KIFC3: variants seen among roughly 807,000 people sequenced by gnomAD.
The protein encoded by KIFC3 is kinesin family member C3, also known as kinesin-like protein KIFC3.
In KIFC3, 60 loss-of-function variants were observed where a neutral mutation model predicts 101.8. That is an observed-to-expected ratio of 0.59 (90% CI 0.48 to 0.73). KIFC3 has a LOEUF of 0.73. Ranked by LOEUF, KIFC3 falls within the 30% of genes least tolerant of loss-of-function variation. The pLI is 0.00. For synonymous variants in KIFC3, 476 were observed against 482.7 expected (o/e 0.99, Z 0.18); for missense variants, 966 against 1,137.1 (o/e 0.85, Z 2.16).
chr16:57,761,252 AGTGGCACCACCCT>A lies in KIFC3; in HGVS notation c.1873-94_1873-82del, dbSNP rs1274544137. On this transcript the variant is annotated intron_variant, in intron 14 of 19. Transcript: ENST00000445690. ...CACCTGGCCCCAAGCACCCATGAGG[AGTGGCACCACCCT>A]CCGCAGTTTAGATGAGGAAACTGAG... 1.1e-5 allele frequency: 18 copies of A among 1,589,690 alleles called. No homozygotes were observed. The African/African-American group carries it at 2.0e-4, about 18-fold the overall frequency.
chr16:57,829,555 A>C (rs2055531602), intron 1 of KIFC3, among the ~76,000 whole-genome samples: 1 of 152,174 alleles, frequency 6.6e-6, no homozygotes, highest in Non-Finnish European at 1.5e-5. Context: ...ATGCCTGGCC[A>C]AAAATCTATT....
chr16:57,797,185 C>T (rs2054396858), intron 2 of KIFC3, among the ~76,000 whole-genome samples: 1 of 152,252 alleles, frequency 6.6e-6, no homozygotes. Context: ...GTTTCCCCTT[C>T]TGTGCACCAA....
Position 57,761,103 on chromosome 16 carries a change from C to T in KIFC3, c.1941G>A (p.Ser647=), listed in dbSNP as rs1555596712. 1.2e-5 allele frequency: 19 copies of T among 1,613,764 alleles called. No individual in the cohort carries two copies. The highest frequency in any genetic ancestry group is 5.5e-5 in the South Asian group (5 of 91,094). The change falls in exon 15 of 20, where the codon TCG becomes TCA. Residue 647 remains serine, a synonymous_variant. Transcript: ENST00000445690. ...FTNLNEHSSR[S]HALLIVTVRG... ...GCACCGTCACGATGAGCAGCGCGTG[C>T]GAGCGGGAGCTGTGCTCGTTCAGGT... is the stretch of plus-strand genomic sequence containing the variant.
intron 3 of KIFC3, chr16:57,776,943 G>C (rs1279140926): frequency 1.3e-5 from 2 of 152,192 alleles, no homozygotes; most frequent in African/African-American, 4.8e-5. Flanking sequence ...ATTAAGATTT[G>C]AATGTTGGAA....
In KIFC3 at chr16:57,760,280, A is replaced by G. The variant is rs1555594809; in HGVS notation, c.2367+2T>C. 6.2e-7 allele frequency: 1 copy of G among 1,610,288 alleles called. No individual in the cohort carries two copies. The highest frequency in any genetic ancestry group is 1.1e-5 in the South Asian group (1 of 91,004). ...GAGCCAGGCCTGTGACAGTCCCCGT[A>G]CCTCTAGATGCTCCTGGCTTGACCA... On this transcript the variant is annotated splice_donor_variant, in intron 17 of 19. Transcript: ENST00000445690. LOFTEE classifies it high-confidence loss of function.
chr16:57,770,653 G>T lies in KIFC3; in HGVS notation c.813C>A (p.Ala271=), dbSNP rs1555607288. ...GGTTCCGGGCCTGGGACTCGCTGAG[G>T]GCCTGCTTGGTCTTGGACGACTCCA... is the stretch of plus-strand genomic sequence containing the variant. ...VEVESSKTKQ[A]LSESQARNQH... is the part of the protein sequence containing the mutation. The change falls in exon 7 of 20, where the codon GCC becomes GCA. Residue 271 remains alanine, a synonymous_variant. Transcript: ENST00000445690. 6.4e-7 allele frequency: 1 copy of T among 1,559,258 alleles called. No individual in the cohort carries two copies.
chr16:57,857,979 G>A (rs574826157), intron 1 of KIFC3, among the ~76,000 whole-genome samples: 2 of 151,474 alleles, frequency 1.3e-5, no homozygotes, highest in East Asian at 2.0e-4. Context: ...CACCCCACCC[G>A]ACTAATTTTT....
At chr16:57,858,134 G>A (rs1012368154) in intron 1 of KIFC3, among the ~76,000 whole-genome samples, 13 of 151,978 alleles carry the variant, frequency 8.6e-5, no homozygotes, top group Non-Finnish European at 1.3e-4. Context: ...TCTTTATCCA[G>A]TCTATCATTG....
At chr16:57,850,796 T>A (rs1312460406) in intron 1 of KIFC3, among the ~76,000 whole-genome samples, 1 of 152,112 alleles carries the variant, frequency 6.6e-6, no homozygotes, top group Non-Finnish European at 1.5e-5. Context: ...GTCTTTTTCA[T>A]ACATTGTACG....
chr16:57,809,948 C>A (rs1169381229), intron 1 of KIFC3, among the ~76,000 whole-genome samples: 2 of 152,174 alleles, frequency 1.3e-5, no homozygotes, highest in African/African-American at 4.8e-5. Context: ...GGGAGTGTTT[C>A]TGTCTGCTGG....
intron 1 of KIFC3, among the ~76,000 whole-genome samples, chr16:57,837,938 C>A (rs577161019): frequency 6.6e-6 from 1 of 152,076 alleles, no homozygotes; most frequent in Non-Finnish European, 1.5e-5. Context: ...CTTGGCAGAG[C>A]GCAGCCCAGA....
chr16:57,771,509 G>A (rs1294222759), intron 5 of KIFC3, 34 bp downstream of exon 5: 1 of 1,609,772 alleles, frequency 6.2e-7, no homozygotes, highest in Non-Finnish European at 8.5e-7. Context: ...TGGCCCTCCA[G>A]GACCAGCATG....
chr16:57,825,498 G>A (rs1023240545), intron 1 of KIFC3, among the ~76,000 whole-genome samples: 1 of 152,144 alleles, frequency 6.6e-6, no homozygotes, highest in Non-Finnish European at 1.5e-5. Flanking sequence ...GCCACTGTGG[G>A]GCCAGCTGTG....
At chr16:57,842,955 A>T (rs1187186564) in intron 1 of KIFC3, among the ~76,000 whole-genome samples, 4 of 152,140 alleles carry the variant, frequency 2.6e-5, no homozygotes, top group African/African-American at 9.7e-5. Context: ...CAACAAGGTG[A>T]AACCCCGTCT....
intron 1 of KIFC3, chr16:57,798,594 C>A: frequency 2.1e-6 from 1 of 470,534 alleles, no homozygotes; most frequent in Non-Finnish European, 3.8e-6. Flanking sequence ...CAGGTCCTAG[C>A]CCCACACAGA....
rs1184594341 is a variant in KIFC3 at position 57,802,416 on chromosome 16, T to TCGGCCCGGCC, written c.-96_-87dup. Reference sequence around the variant, plus strand: ...CAGGCGTCGCCGCAGCGCCCGGGGCTCGGCCCGGCCCGGCCCGCCGGCAGG... The same window carrying TCGGCCCGGCC: ...CAGGCGTCGCCGCAGCGCCCGGGGCTCGGCCCGGCCCGGCCCGGCCCGGCCCGCCGGCAGG... On this transcript the variant is annotated 5_prime_UTR_variant, in exon 1 of 20. Coordinates refer to ENST00000445690, the MANE Select transcript of KIFC3 (RefSeq NM_001130100.2). This position sits in a 1 kb window ranked among gnomAD's most constrained non-coding sequence, Gnocchi z 5.0. 2.0e-6 allele frequency: 2 copies of TCGGCCCGGCC among 982,528 alleles called. No homozygotes were observed. The highest frequency in any genetic ancestry group is 2.4e-6 in the Non-Finnish European group (2 of 828,926). The allele number at this position is 982,528 out of a possible 1,614,324, so 60.9% of individuals were successfully genotyped here.
upstream of KIFC3, chr16:57,802,557 G>A (rs2054810758): frequency 1.0e-6 from 1 of 990,330 alleles, no homozygotes; most frequent in Non-Finnish European, 1.2e-6. This position sits in a 1 kb window ranked among gnomAD's most constrained non-coding sequence, Gnocchi z 5.0. Context: ...AACCGGCTCC[G>A]ACCCCGGCGG....
chr16:57,781,319 T>TA (rs1484585406), intron 3 of KIFC3, among the ~76,000 whole-genome samples: 1 of 151,924 alleles, frequency 6.6e-6, no homozygotes, highest in Non-Finnish European at 1.5e-5. Flanking sequence ...TGCCTCAAAA[T>TA]AAAAAAGGAG....
At chr16:57,762,593 G>A (rs1484418716) in intron 12 of KIFC3, among the ~76,000 whole-genome samples, 2 of 152,172 alleles carry the variant, frequency 1.3e-5, no homozygotes, top group African/African-American at 4.8e-5. Flanking sequence ...CCACCTGGGA[G>A]GGGCACTGGA....
Sources: allele counts gnomAD v4.1 joint callset (sites outside exome capture counted in the v4.1 genomes callset), GRCh38; gene constraint gnomAD v4.1.1; non-coding constraint Gnocchi (gnomAD v3.1); transcripts MANE v1.5; gene names NCBI Gene and HGNC (gene_info 2026-07-23, HGNC 2026-07-21).